CC2D1A: variants seen among roughly 807,000 people sequenced by gnomAD.
The protein encoded by CC2D1A is coiled-coil and C2 domain containing 1A.
In CC2D1A, 68 loss-of-function variants were observed where a neutral mutation model predicts 123.8. That is an observed-to-expected ratio of 0.55 (90% CI 0.45 to 0.67). The LOEUF (loss-of-function observed/expected upper bound fraction) is 0.67, where lower values mean the gene tolerates loss of function less well. CC2D1A is among the 30% of genes least tolerant of loss of function. The pLI is 0.00. For synonymous variants in CC2D1A, 477 were observed against 528.0 expected, an observed-to-expected ratio of 0.90 and a Z score of 1.32; for missense variants, 1,185 against 1,290.3, an observed-to-expected ratio of 0.92 and a Z score of 1.25.
rs983217187 is a variant in CC2D1A, at chr19:13,923,068, C to G, written c.1642-265C>G. 7.2e-5 allele frequency among the ~76,000 whole-genome samples: 11 copies of G among 152,098 alleles called. No individual in the cohort carries two copies. The highest frequency in any genetic ancestry group is 1.5e-4 in the Non-Finnish European group (10 of 68,020). ...ATTAGCCAGGTGTGGTGGCAGGCGCCTGTAATTCCAGCTACTCAGGAGGCT... is the reference window on the plus strand; with the variant it reads ...ATTAGCCAGGTGTGGTGGCAGGCGCGTGTAATTCCAGCTACTCAGGAGGCT... On this transcript the variant is annotated intron_variant, in intron 14 of 28. Coordinates refer to ENST00000318003, the MANE Select transcript of CC2D1A (RefSeq NM_017721.5). The surrounding 1 kb of genome is among the most constrained non-coding windows in gnomAD (Gnocchi z 5.3).
At chr19:13,913,343 C>T (rs1185370732) in intron 5 of CC2D1A, 41 bp downstream of exon 5, 2 of 1,605,942 alleles carry the variant, frequency 1.2e-6, no homozygotes, top group African/African-American at 2.7e-5. Flanking sequence ...CCCCCGCCAA[C>T]CCCGATGCCC....
At chr19:13,925,140 C>G (rs1971546837) in intron 17 of CC2D1A, among the ~76,000 whole-genome samples, 1 of 152,192 alleles carries the variant, frequency 6.6e-6, no homozygotes, top group Admixed American at 6.6e-5. Context: ...CCACTCTCCC[C>G]TCTCTGCTGA....
intron 9 of CC2D1A, 24 bp downstream of exon 9, chr19:13,918,841 T>C (rs1266428226): frequency 1.9e-6 from 3 of 1,611,768 alleles, no homozygotes; most frequent in Non-Finnish European, 2.5e-6. Context: ...CCCTCTGGGG[T>C]TGGGGGCAGG....
intron 12 of CC2D1A, chr19:13,920,310 G>A (rs1004080997): frequency 9.2e-6 from 5 of 543,612 alleles, no homozygotes; most frequent in African/African-American, 2.0e-5. Context: ...GGGAGGCAGA[G>A]GTTGCAGTGA....
At position 13,906,549 on chromosome 19, in the gene CC2D1A, G is replaced by T. The variant is rs982070672; in HGVS notation, c.60+48G>T. The T allele has an allele frequency of 1.2e-5, 16 of 1,313,640 alleles. No homozygotes were observed. In the African/African-American group the frequency reaches 2.0e-4, roughly 17 times the overall value. The allele number at this position is 1,313,640 out of a possible 1,614,324, so 81.4% of individuals were successfully genotyped here. On this transcript the variant is annotated intron_variant, in intron 1 of 28. Coordinates refer to ENST00000318003, the MANE Select transcript of CC2D1A (RefSeq NM_017721.5). The surrounding 1 kb of genome is among the most constrained non-coding windows in gnomAD (Gnocchi z 4.1). Reference sequence around the variant, plus strand: ...GACCTGGGGATCCCTCCCCACCCCCGTCACTCGCTCAGGGAAGGGCCCCAC... The same window carrying T: ...GACCTGGGGATCCCTCCCCACCCCCTTCACTCGCTCAGGGAAGGGCCCCAC...
intron 14 of CC2D1A, among the ~76,000 whole-genome samples, chr19:13,922,710 A>G (rs10854126): frequency 0.98 from 149,351 of 152,254 alleles, 73,368 homozygotes; most frequent in Non-Finnish European, 1. Flanking sequence ...CCCAGCCCCA[A>G]AGCAGAGCCT....
chr19:13,918,100 T>C lies in CC2D1A; in HGVS notation c.779T>C (p.Leu260Ser). Residue 260 changes from leucine to serine, a missense_variant, in exon 7 of 29, where the codon TTG becomes TCG. Leu to Ser is a moderately radical substitution (Grantham distance 145, BLOSUM62 -2). Coordinates refer to ENST00000318003, the MANE Select transcript of CC2D1A (RefSeq NM_017721.5). Reference sequence around the variant, plus strand: ...TGCAGCCCTGGCCCTCTGGCCCAGTTGCAGAGCCGCCAGCGCGACTACAAG... The same window carrying C: ...TGCAGCCCTGGCCCTCTGGCCCAGTCGCAGAGCCGCCAGCGCGACTACAAG... ...GPCSPGPLAQ[L>S]QSRQRDYKLA... 1 of 1,612,762 alleles carries C rather than the reference T, an allele frequency of 6.2e-7. No homozygotes were observed. The highest frequency in any genetic ancestry group is 8.5e-7 in the Non-Finnish European group (1 of 1,179,914).
chr19:13,920,437 T>C, intron 12 of CC2D1A, 120 bp from the exon 13 acceptor site: 1 of 665,804 alleles, frequency 1.5e-6, no homozygotes, highest in Non-Finnish European at 2.6e-6. Context: ...GGCAGGGGAG[T>C]AGCAAAGTCC....
intron 4 of CC2D1A, 142 bp downstream of exon 4, chr19:13,912,735 C>T: frequency 6.2e-6 from 5 of 802,878 alleles, no homozygotes; most frequent in Non-Finnish European, 1.0e-5. Flanking sequence ...TCACTACAAC[C>T]TCTGCCTCCC....
chr19:13,911,706 ATTTTTTT>A (rs1055273535), intron 2 of CC2D1A, among the ~76,000 whole-genome samples: 15 of 88,548 alleles, frequency 1.7e-4, no homozygotes, highest in East Asian at 3.1e-4. Context: ...TGCCCAGCTA[ATTTTTTT>A]TTTTTTTTTT....
At chr19:13,910,126 C>T (rs763577433) in intron 2 of CC2D1A, among the ~76,000 whole-genome samples, 168 bp downstream of exon 2, 18 of 151,698 alleles carry the variant, frequency 1.2e-4, no homozygotes, top group Non-Finnish European at 2.4e-4. Flanking sequence ...AGGCCGGGCA[C>T]GGTGGCTCAC....
Position 13,926,662 on chromosome 19 carries a change from C to G in CC2D1A, c.2015-5C>G, listed in dbSNP as rs774776664. 2.5e-6 allele frequency: 4 copies of G among 1,614,174 alleles called. No individual in the cohort carries two copies. The highest frequency in any genetic ancestry group is 3.4e-6 in the Non-Finnish European group (4 of 1,180,026). ...TGCCCAGCTCTGACCGTTGTTTGCC[C>G]ACAGGACTGTCCCCTGGCGATCTGG... is the stretch of plus-strand genomic sequence containing the variant. On this transcript the variant is annotated splice_polypyrimidine_tract_variant and splice_region_variant and intron_variant, in intron 18 of 28. Transcript: ENST00000318003.
chr19:13,920,082 T>C, intron 12 of CC2D1A, 131 bp downstream of exon 12: 1 of 958,006 alleles, frequency 1.0e-6, no homozygotes, highest in East Asian at 2.7e-5. Flanking sequence ...CCCCCGTCTC[T>C]ACAAAAAAAT....
Position 13,930,407 on chromosome 19 carries a change from GGCGGGCAGCCCCCAGAAA to G in CC2D1A, c.*22_*39del. 5.0e-6 allele frequency: 8 copies of G among 1,602,346 alleles called. No homozygotes were observed. Among genetic ancestry groups the G allele is most frequent in the Non-Finnish European group, 6.8e-6 (8 of 1,173,692 alleles). On this transcript the variant is annotated 3_prime_UTR_variant, in exon 29 of 29. Coordinates refer to ENST00000318003, the MANE Select transcript of CC2D1A (RefSeq NM_017721.5). The surrounding 1 kb of genome is among the most constrained non-coding windows in gnomAD (Gnocchi z 6.8). Reference sequence around the variant, plus strand: ...GGCTCCGCAGGTGAGGAGCCCATGGGGCGGGCAGCCCCCAGAAAGCGGGCAGCAGGCCCCGATACCGGG... The same window carrying G: ...GGCTCCGCAGGTGAGGAGCCCATGGGGCGGGCAGCAGGCCCCGATACCGGG...
chr19:13,919,706 A>T, intron 11 of CC2D1A, 112 bp from the exon 12 acceptor site: 1 of 1,156,004 alleles, frequency 8.7e-7, no homozygotes, highest in South Asian at 3.0e-5. Context: ...TAATTAAAAA[A>T]AGTAAAGGCC....
chr19:13,909,732 C>T (rs778344973), intron 1 of CC2D1A, 91 bp from the exon 2 acceptor site: 12 of 1,541,086 alleles, frequency 7.8e-6, no homozygotes, highest in Non-Finnish European at 8.1e-6. Context: ...GACCTTGTTT[C>T]CTTCCTCCCA....
rs538906450 is a variant in CC2D1A, at chr19:13,912,323, G to T, written c.197G>T (p.Gly66Val). ...ACCTGGGGCATCCCCCTACCGCCAG[G>T]TCCCTTGCCGATGGAGGCCATTGAG... ...PPALEKLKGK[G>V]PLPMEAIEKM... The change falls in exon 3 of 29, where the codon GGT (glycine) becomes GTT (valine). Residue 66 changes from glycine to valine, a missense_variant and splice_region_variant. Gly to Val is a moderately radical substitution (Grantham distance 109, BLOSUM62 -3). Coordinates refer to ENST00000318003, the MANE Select transcript of CC2D1A (RefSeq NM_017721.5). The T allele has an allele frequency of 2.5e-6, 4 of 1,596,936 alleles. No homozygotes were observed. Among genetic ancestry groups the T allele is most frequent in the Non-Finnish European group, 2.6e-6 (3 of 1,172,108 alleles).
chr19:13,923,872 C>A lies in CC2D1A; in HGVS notation c.1940+61C>A. ...CAGTGGCCCTTTGGTGGCGGTGGGG[C>A]GGGTTGTGCTCCCCAGAAGCTGGCA... On this transcript the variant is annotated intron_variant, in intron 17 of 28. Transcript: ENST00000318003. This position sits in a 1 kb window ranked among gnomAD's most constrained non-coding sequence, Gnocchi z 5.3. The A allele has an allele frequency of 1.6e-6, 2 of 1,269,584 alleles. No homozygotes were observed. Among genetic ancestry groups the A allele is most frequent in the Non-Finnish European group, 2.3e-6 (2 of 871,176 alleles). The allele number at this position is 1,269,584 out of a possible 1,614,324, so 78.6% of individuals were successfully genotyped here.
intron 2 of CC2D1A, among the ~76,000 whole-genome samples, 176 bp downstream of exon 2, chr19:13,910,134 C>G (rs1970947150): frequency 6.6e-6 from 1 of 151,584 alleles, no homozygotes. Context: ...CACGGTGGCT[C>G]ACGCCTGTAA....
Sources: gnomAD v4.1 joint callset for allele counts (sites outside exome capture counted in the v4.1 genomes callset) on GRCh38, gnomAD v4.1.1 for gene constraint, Gnocchi (gnomAD v3.1) non-coding constraint, MANE v1.5 for transcripts, NCBI Gene and HGNC (gene_info 2026-07-23, HGNC 2026-07-21) for gene names.